Variants in CALN1 observed in about 807,000 individuals in gnomAD.
The protein encoded by CALN1 is calcium-binding protein 8.
In CALN1, 17 loss-of-function variants were observed where a neutral mutation model predicts 30.6. The ratio of observed to expected loss-of-function variants is 0.56; its 90% CI spans 0.38 to 0.83. The LOEUF is 0.83. Ranked by LOEUF, CALN1 falls within the 40% of genes least tolerant of loss-of-function variation. CALN1 has a pLI of 0.00. For synonymous variants in CALN1, 156 were observed against 131.4 expected, an observed-to-expected ratio of 1.19 and a Z score of -1.28; for missense variants, 291 against 354.9, an observed-to-expected ratio of 0.82 and a Z score of 1.45.
intron 4 of CALN1, among the ~76,000 whole-genome samples, chr7:72,084,509 C>A (rs903845072): frequency 6.6e-6 from 1 of 151,518 alleles, no homozygotes; most frequent in Non-Finnish European, 1.5e-5. Context: ...CAGGCACCCA[C>A]CACCATGCCC....
intron 3 of CALN1, among the ~76,000 whole-genome samples, chr7:72,199,648 C>T (rs1404324479): frequency 2.6e-5 from 4 of 152,106 alleles, no homozygotes; most frequent in African/African-American, 9.7e-5. Flanking sequence ...CCCAGGAGTT[C>T]GAGCCTGGGC....
At chr7:71,910,103 C>A (rs1794348060) in intron 5 of CALN1, among the ~76,000 whole-genome samples, 1 of 152,220 alleles carries the variant, frequency 6.6e-6, no homozygotes, top group Non-Finnish European at 1.5e-5. Context: ...AGTCAGTTAT[C>A]TCCAGCTGGC....
intron 3 of CALN1, among the ~76,000 whole-genome samples, chr7:72,188,935 T>C (rs958425267): frequency 2.0e-5 from 3 of 151,784 alleles, no homozygotes; most frequent in African/African-American, 7.3e-5. Context: ...CACACAAAGC[T>C]CTCCCCATCT....
At chr7:72,051,179 T>C (rs1488011603) in intron 4 of CALN1, among the ~76,000 whole-genome samples, 1 of 151,864 alleles carries the variant, frequency 6.6e-6, no homozygotes, top group African/African-American at 2.4e-5. Flanking sequence ...AGATATGATA[T>C]GCATTGTATC....
intron 2 of CALN1, among the ~76,000 whole-genome samples, chr7:72,334,991 A>G (rs1470677368): frequency 6.6e-6 from 1 of 152,172 alleles, no homozygotes; most frequent in Non-Finnish European, 1.5e-5. Context: ...AGACCCCACC[A>G]ACTGCCGGGG....
At chr7:71,802,748 T>C (rs1179046956) in intron 6 of CALN1, among the ~76,000 whole-genome samples, 1 of 152,108 alleles carries the variant, frequency 6.6e-6, no homozygotes, top group African/African-American at 2.4e-5. Flanking sequence ...TCAAGCTGGG[T>C]ACGGGGGCTC....
intron 3 of CALN1, among the ~76,000 whole-genome samples, chr7:72,139,642 C>G (rs1809751879): frequency 6.6e-6 from 1 of 152,128 alleles, no homozygotes. Context: ...TCCATGCCCA[C>G]CTTCTTCTAA....
chr7:72,274,084 A>C (rs1797183274), intron 3 of CALN1, among the ~76,000 whole-genome samples: 1 of 152,174 alleles, frequency 6.6e-6, no homozygotes. Flanking sequence ...CTCCAAACTG[A>C]AAACAACCCA....
In CALN1 at chr7:72,054,512, T is replaced by C. The variant is rs13307506; in HGVS notation, c.389-30743A>G. ...ATATACATATATACATATATATACA[T>C]ATATATACATATATACATACATATA... On this transcript the variant is annotated intron_variant, in intron 4 of 6. Coordinates refer to ENST00000395275, the MANE Select transcript of CALN1 (RefSeq NM_031468.4). Among the ~76,000 whole-genome samples the C allele has an allele frequency of 6.4e-4, 36 of 56,536 alleles. 1 individual carries two copies. In the South Asian group the frequency reaches 0.018, roughly 28 times the overall value. The allele number at this position is 56,536 out of a possible 152,430, so 37.1% of individuals were successfully genotyped here.
intron 5 of CALN1, among the ~76,000 whole-genome samples, chr7:71,922,553 C>G (rs966495207): frequency 1.7e-5 from 2 of 116,762 alleles, no homozygotes; most frequent in Non-Finnish European, 3.4e-5. Flanking sequence ...ATATATAACA[C>G]ACAGATTATA....
At chr7:72,139,744 A>G (rs749223093) in intron 3 of CALN1, among the ~76,000 whole-genome samples, 4 of 152,168 alleles carry the variant, frequency 2.6e-5, no homozygotes, top group Admixed American at 6.5e-5. Context: ...TAGGAACCTC[A>G]GTGCTCTGCC....
intron 3 of CALN1, among the ~76,000 whole-genome samples, chr7:72,231,830 G>T (rs1037138017): frequency 3.3e-5 from 5 of 152,078 alleles, no homozygotes; most frequent in African/African-American, 1.2e-4. Context: ...GGGCTGTCAG[G>T]GTAAGAGTAG....
intron 5 of CALN1, among the ~76,000 whole-genome samples, chr7:71,860,673 T>C (rs1373385473): frequency 1.3e-5 from 2 of 152,138 alleles, no homozygotes; most frequent in African/African-American, 4.8e-5. Flanking sequence ...TGACATGACA[T>C]TGTTACACAG....
rs1793040369 is a variant in CALN1, at chr7:71,787,426, C to G, written c.*349G>C. On this transcript the variant is annotated 3_prime_UTR_variant, in exon 7 of 7. Transcript: ENST00000395275. ...TGTGTGTTCATGCCTCTCTCTTGCTCTCTCACCATTATACCTGGATGGCTG... is the reference window on the plus strand; with the variant it reads ...TGTGTGTTCATGCCTCTCTCTTGCTGTCTCACCATTATACCTGGATGGCTG... 1 of 232,336 alleles carries G rather than the reference C, an allele frequency of 4.3e-6. No homozygotes were observed. The highest frequency in any genetic ancestry group is 8.8e-6 in the Non-Finnish European group (1 of 113,200). 14.4% of individuals were successfully genotyped at this position (232,336 alleles called of 1,614,324 possible).
At chr7:71,897,194 G>A (rs921228445) in intron 5 of CALN1, among the ~76,000 whole-genome samples, 3 of 152,140 alleles carry the variant, frequency 2.0e-5, no homozygotes, top group Admixed American at 6.5e-5. Flanking sequence ...CAGGCCTTTC[G>A]TTGTGAATTC....
At chr7:71,809,086 C>T (rs189071306) in intron 6 of CALN1, among the ~76,000 whole-genome samples, 13 of 152,238 alleles carry the variant, frequency 8.5e-5, no homozygotes, top group African/African-American at 2.2e-4. Context: ...TTGTTTGATG[C>T]GCATGGCAGT....
intron 5 of CALN1, among the ~76,000 whole-genome samples, chr7:71,833,083 C>T (rs147889224): frequency 2.2e-4 from 34 of 152,348 alleles, no homozygotes; most frequent in African/African-American, 8.2e-4. Context: ...ACGTGTCCTT[C>T]TCCAAAGTGA....
intron 4 of CALN1, among the ~76,000 whole-genome samples, chr7:72,078,849 T>C (rs1360634288): frequency 6.6e-6 from 1 of 152,126 alleles, no homozygotes; most frequent in Admixed American, 6.6e-5. Flanking sequence ...GGCAGGAGAA[T>C]CGCCTGAACC....
rs532991405 is a variant in CALN1, at chr7:72,127,749, C to T, written c.245-21455G>A. The stretch of plus-strand genomic sequence containing the variant: ...GGTGTAGGGTGATGGCAACATTTGC[C>T]GTGTGCTAGTGGGAGTGTAAATTGG... On this transcript the variant is annotated intron_variant, in intron 3 of 6. Coordinates refer to ENST00000395275, the MANE Select transcript of CALN1 (RefSeq NM_031468.4). Among the ~76,000 whole-genome samples, 25 of 152,160 alleles carry T rather than the reference C, an allele frequency of 1.6e-4. No homozygotes were observed. In the South Asian group the frequency reaches 3.5e-3, roughly 21 times the overall value.
Sources: gnomAD v4.1 joint callset for allele counts (sites outside exome capture counted in the v4.1 genomes callset) on GRCh38, gnomAD v4.1.1 for gene constraint, MANE v1.5 for transcripts, NCBI Gene and HGNC (gene_info 2026-07-23, HGNC 2026-07-21) for gene names.